RLF: variants seen among roughly 807,000 people sequenced by gnomAD.
RLF encodes the protein RLF zinc finger.
RLF carries 7 observed loss-of-function variants against 162.9 expected under a neutral mutation model. The observed-to-expected ratio is 0.04, with a 90% CI of 0.02 to 0.08. The LOEUF is 0.08. Ranked by LOEUF, RLF falls within the 10% of genes least tolerant of loss-of-function variation. RLF has a pLI of 1.00. For missense variants in RLF, 1,664 were observed against 2,244.7 expected (o/e 0.74, Z 5.23); for synonymous variants, 782 against 791.5 (o/e 0.99, Z 0.20).
Position 40,238,539 on chromosome 1 carries a change from A to G in RLF, c.3837A>G (p.Arg1279=), listed in dbSNP as rs1417320303. The change falls in exon 8 of 8, where the codon AGA becomes AGG. Residue 1279 remains arginine, a synonymous_variant. Transcript: ENST00000372771. The surrounding 1 kb of genome is among the most constrained non-coding windows in gnomAD (Gnocchi z 5.2). ...TTTCATCACCAATAGGCAGCCATAG[A>G]GAAGAACAAGAAGGAAGAGAGGGCA... ...SDISSPIGSH[R]EEQEGREGRG... 1.9e-6 allele frequency: 3 copies of G among 1,613,754 alleles called. No individual in the cohort carries two copies. In the East Asian group the frequency reaches 6.7e-5, roughly 36 times the overall value.
At position 40,194,131 on chromosome 1, in the gene RLF, CTA is replaced by C. The variant is rs370986606; in HGVS notation, c.475-1499_475-1498del. Among the ~76,000 whole-genome samples the C allele has an allele frequency of 3.7e-4, 52 of 141,676 alleles. 1 individual carries two copies. Among genetic ancestry groups the C allele is most frequent in the African/African-American group, 1.4e-3 (51 of 37,704 alleles). 92.9% of individuals were successfully genotyped at this position (141,676 alleles called of 152,430 possible). A position where few individuals can be genotyped will look rare whatever the true frequency, so the allele number is the denominator to read the frequency against. On this transcript the variant is annotated intron_variant, in intron 3 of 7. Transcript: ENST00000372771. ...GAATATAAGAACTTTAATGAACAAA[CTA>C]TTGGTAAATACATTTTGTTTGCTGA...
At chr1:40,170,316 C>T (rs1642225515) in intron 1 of RLF, among the ~76,000 whole-genome samples, 1 of 151,908 alleles carries the variant, frequency 6.6e-6, no homozygotes, top group South Asian at 2.1e-4. Context: ...TGCGGTGGTG[C>T]AATCACAGCT....
Position 40,169,622 on chromosome 1 carries a change from CA to C in RLF, c.237+8009del, listed in dbSNP as rs886534976. 8.9e-3 allele frequency among the ~76,000 whole-genome samples: 420 copies of C among 46,984 alleles called. 1 individual carries two copies. The highest frequency in any genetic ancestry group is 0.026 in the African/African-American group (306 of 11,548). 30.8% of individuals were successfully genotyped at this position (46,984 alleles called of 152,430 possible). On this transcript the variant is annotated intron_variant, in intron 1 of 7. Coordinates refer to ENST00000372771, the MANE Select transcript of RLF (RefSeq NM_012421.4). Reference sequence around the variant, plus strand: ...TGGGCGACAGAGCGAGACTCCGTCTCAAAAAAAAAAAAAAAAAAAAAAATAA... The same window carrying C: ...TGGGCGACAGAGCGAGACTCCGTCTCAAAAAAAAAAAAAAAAAAAAAATAA...
At chr1:40,184,466 G>T (rs1296811228) in intron 1 of RLF, among the ~76,000 whole-genome samples, 1 of 152,180 alleles carries the variant, frequency 6.6e-6, no homozygotes, top group Non-Finnish European at 1.5e-5. Flanking sequence ...TTCAAAGATA[G>T]TTTTTTAGCT....
At chr1:40,194,702 A>G (rs954429140) in intron 3 of RLF, among the ~76,000 whole-genome samples, 2 of 152,090 alleles carry the variant, frequency 1.3e-5, no homozygotes, top group African/African-American at 4.8e-5. Flanking sequence ...CACTCCAAAT[A>G]TCCAACAGTA....
intron 1 of RLF, among the ~76,000 whole-genome samples, chr1:40,170,562 A>G (rs1379545805): frequency 6.6e-6 from 1 of 152,142 alleles, no homozygotes; most frequent in Non-Finnish European, 1.5e-5. Flanking sequence ...TTCATTCTTT[A>G]GGCATGTTTC....
chr1:40,195,468 G>A lies in RLF; in HGVS notation c.475-164G>A, dbSNP rs929381817. Reference sequence around the variant, plus strand: ...TGTCTTTAAAAAAAAAAAAAAGACAGCAACAGAATTTCACAAGGCTTTGAG... The same window carrying A: ...TGTCTTTAAAAAAAAAAAAAAGACAACAACAGAATTTCACAAGGCTTTGAG... On this transcript the variant is annotated intron_variant, in intron 3 of 7. Coordinates refer to ENST00000372771, the MANE Select transcript of RLF (RefSeq NM_012421.4). Among the ~76,000 whole-genome samples the A allele has an allele frequency of 8.6e-5, 13 of 151,498 alleles. 1 individual carries two copies. Among genetic ancestry groups the A allele is most frequent in the East Asian group, 3.9e-4 (2 of 5,156 alleles).
intron 5 of RLF, among the ~76,000 whole-genome samples, chr1:40,220,330 T>C (rs953963598): frequency 6.6e-6 from 1 of 152,224 alleles, no homozygotes; most frequent in Non-Finnish European, 1.5e-5. Flanking sequence ...TGAAATATTT[T>C]ATTTCTATTT....
At chr1:40,203,393 A>G (rs1167041073) in intron 5 of RLF, among the ~76,000 whole-genome samples, 1 of 151,878 alleles carries the variant, frequency 6.6e-6, no homozygotes, top group Admixed American at 6.6e-5. Context: ...AAGTACAAAC[A>G]TTAGCCAGGC....
At chr1:40,235,043 A>G (rs369213235) in intron 7 of RLF, among the ~76,000 whole-genome samples, 7 of 148,914 alleles carry the variant, frequency 4.7e-5, no homozygotes, top group South Asian at 2.1e-4. Flanking sequence ...CCAAGTGTTC[A>G]TGATAGAGAG....
Position 40,240,126 on chromosome 1 carries a change from A to C in RLF, c.5424A>C (p.Leu1808Phe), listed in dbSNP as rs920072731. The C allele has an allele frequency of 5.0e-6, 8 of 1,614,100 alleles. No homozygotes were observed. The African/African-American group carries it at 9.3e-5, about 19-fold the overall frequency. Residue 1808 changes from leucine to phenylalanine, a missense_variant, in exon 8 of 8, where the codon TTA (leucine) becomes TTC (phenylalanine). Around this residue, in one of 15 missense-constraint regions of RLF, gnomAD observed 327 missense variants for 342.7 expected, o/e 0.95. Transcript: ENST00000372771. ...ATTCTTCACAGTCCAGTAATGATTT[A>C]ACAGGGAATGTTGTGGCAAATAATA... ...LSNSSQSSNDLTGNVVANNMV... is the reference protein window; with the variant it reads ...LSNSSQSSNDFTGNVVANNMV...
chr1:40,205,064 A>C (rs573757809), intron 5 of RLF, among the ~76,000 whole-genome samples: 1 of 152,344 alleles, frequency 6.6e-6, no homozygotes, highest in South Asian at 2.1e-4. Flanking sequence ...ATGCTACAGC[A>C]GTTCTCCTTT....
intron 5 of RLF, among the ~76,000 whole-genome samples, chr1:40,221,917 A>AAAGAG (rs1486982312): frequency 2.7e-5 from 4 of 150,284 alleles, no homozygotes; most frequent in African/African-American, 9.9e-5. Flanking sequence ...AAAAAAAAAA[A>AAAGAG]AGAGAAAGGA....
chr1:40,174,055 C>A (rs1348728327), intron 1 of RLF, among the ~76,000 whole-genome samples: 9 of 152,160 alleles, frequency 5.9e-5, no homozygotes, highest in Admixed American at 5.9e-4. Flanking sequence ...GACTGTAGTG[C>A]TTTCCATTAG....
intron 1 of RLF, among the ~76,000 whole-genome samples, chr1:40,165,125 G>A (rs1006600653): frequency 3.7e-4 from 56 of 152,270 alleles, no homozygotes; most frequent in African/African-American, 1.3e-3. Context: ...TTTTAAAAAT[G>A]CCTTCAGAAT....
rs1202186050 is a variant in RLF, at chr1:40,161,971, C to G, written c.237+335C>G. On this transcript the variant is annotated intron_variant, in intron 1 of 7. Coordinates refer to ENST00000372771, the MANE Select transcript of RLF (RefSeq NM_012421.4). This position sits in a 1 kb window ranked among gnomAD's most constrained non-coding sequence, Gnocchi z 4.4. The stretch of plus-strand genomic sequence containing the variant: ...GCCCCCTGAGGGATTGATTGCTTGT[C>G]CCTGCCGGGAGATCCTTTTTTGAGT... Among the ~76,000 whole-genome samples the G allele has an allele frequency of 6.6e-6, 1 of 152,214 alleles. No homozygotes were observed. Among genetic ancestry groups the G allele is most frequent in the Non-Finnish European group, 1.5e-5 (1 of 68,038 alleles).
intron 5 of RLF, among the ~76,000 whole-genome samples, chr1:40,207,993 C>T (rs749426509): frequency 2.0e-5 from 3 of 152,194 alleles, no homozygotes; most frequent in Non-Finnish European, 2.9e-5. Context: ...GTGATTCTGT[C>T]CTGGCTCCTA....
Position 40,239,253 on chromosome 1 carries a change from A to C in RLF, c.4551A>C (p.Lys1517Asn). Residue 1517 changes from lysine (K) to asparagine (N), a missense_variant, in exon 8 of 8, where the codon AAA becomes AAC. Physicochemically the swap from Lys to Asn is moderately conservative, Grantham distance 94. This residue lies in a region of RLF where 200 missense variants were observed against 207.3 expected (regional missense o/e 0.96). Transcript: ENST00000372771. Reference protein sequence around the residue: ...TRRSFNAKSKKCGLIKEKKAP... With the variant: ...TRRSFNAKSKNCGLIKEKKAP... ...GATCATTTAATGCTAAGTCTAAAAA[A>C]TGTGGCTTAATCAAAGAAAAGAAAG... is the stretch of plus-strand genomic sequence containing the variant. 17 of 1,614,174 alleles carry C rather than the reference A, an allele frequency of 1.1e-5. No homozygotes were observed. Among genetic ancestry groups the C allele is most frequent in the Non-Finnish European group, 1.4e-5 (17 of 1,180,014 alleles).
intron 4 of RLF, among the ~76,000 whole-genome samples, chr1:40,200,867 T>TACACACACACACACAC (rs71060356): frequency 1.4e-4 from 5 of 34,860 alleles, no homozygotes; most frequent in East Asian, 1.2e-3. Flanking sequence ...ATTGCTACTC[T>TACACACACACACACAC]ACACACACAC....
Sources: allele counts gnomAD v4.1 joint callset (sites outside exome capture counted in the v4.1 genomes callset), GRCh38; gene constraint gnomAD v4.1.1; regional missense constraint gnomAD v4.1.1; non-coding constraint Gnocchi (gnomAD v3.1); transcripts MANE v1.5; gene names NCBI Gene and HGNC (gene_info 2026-07-23, HGNC 2026-07-21).